The following MBNL2 variants were observed in gnomAD, a reference collection of about 807,000 sequenced individuals.
MBNL2 encodes the protein muscleblind-like protein 2.
MBNL2 carries 17 observed loss-of-function variants against 41.9 expected under a neutral mutation model. The observed-to-expected ratio is 0.41, with a 90% CI of 0.28 to 0.61. MBNL2 has a LOEUF of 0.61. MBNL2 is among the 20% of genes least tolerant of loss of function. The pLI, the probability that MBNL2 is intolerant of heterozygous loss-of-function variation, is 0.35. For missense variants in MBNL2, 336 were observed against 505.6 expected, an observed-to-expected ratio of 0.66 and a Z score of 3.22; for synonymous variants, 195 against 182.9, an observed-to-expected ratio of 1.07 and a Z score of -0.53.
intron 6 of MBNL2, 46 bp downstream of exon 6, chr13:97,356,895 A>G: frequency 8.2e-7 from 1 of 1,225,750 alleles, no homozygotes; most frequent in Non-Finnish European, 1.1e-6. Context: ...CTTTTCAGAG[A>G]ACCATCTGAG....
chr13:97,389,154 T>C (rs1339209485), intron 8 of MBNL2, among the ~76,000 whole-genome samples: 1 of 152,188 alleles, frequency 6.6e-6, no homozygotes, highest in Non-Finnish European at 1.5e-5. Flanking sequence ...GTTTATGCTT[T>C]AGTTAGCTCC....
intron 2 of MBNL2, among the ~76,000 whole-genome samples, chr13:97,292,991 C>A (rs995041275): frequency 2.4e-4 from 36 of 151,768 alleles, no homozygotes; most frequent in Non-Finnish European, 4.6e-4. Context: ...TTTGAAGAAC[C>A]TGTTCTTGAT....
In MBNL2 at chr13:97,366,072, T is replaced by C. The variant is rs1335851298; in HGVS notation, c.1048+901T>C. Among the ~76,000 whole-genome samples, 2 of 152,198 alleles carry C rather than the reference T, an allele frequency of 1.3e-5. No individual in the cohort carries two copies. Among genetic ancestry groups the C allele is most frequent in the African/African-American group, 2.4e-5 (1 of 41,448 alleles). ...TCTCAGAGTTTATGATTAAAAGTGATGATCACATATTCTTACTTCACTGGA... is the reference window on the plus strand; with the variant it reads ...TCTCAGAGTTTATGATTAAAAGTGACGATCACATATTCTTACTTCACTGGA... On this transcript the variant is annotated intron_variant, in intron 8 of 8. Coordinates refer to ENST00000679496, the MANE Select transcript of MBNL2 (RefSeq NM_001382683.1). The surrounding 1 kb of genome is among the most constrained non-coding windows in gnomAD (Gnocchi z 4.7).
chr13:97,211,015 G>A, the MBNL2 span, among the ~76,000 whole-genome samples: 9 of 151,980 alleles, frequency 5.9e-5, no homozygotes, highest in African/African-American at 2.2e-4. Flanking sequence ...GTTGGGTGGG[G>A]TGAGGGAAGG....
intron 2 of MBNL2, among the ~76,000 whole-genome samples, chr13:97,322,146 C>A (rs771125726): frequency 6.6e-6 from 1 of 152,096 alleles, no homozygotes; most frequent in African/African-American, 2.4e-5. Context: ...GGAGGCACAC[C>A]GCTTCCACCC....
At chr13:97,238,119 C>T (rs1430491294) in intron 1 of MBNL2, among the ~76,000 whole-genome samples, 1 of 152,136 alleles carries the variant, frequency 6.6e-6, no homozygotes, top group Non-Finnish European at 1.5e-5. Flanking sequence ...AGTTTGAAGT[C>T]GGAATGTCCT....
intron 1 of MBNL2, among the ~76,000 whole-genome samples, chr13:97,256,541 C>G (rs1310233457): frequency 6.6e-6 from 1 of 152,108 alleles, no homozygotes; most frequent in Non-Finnish European, 1.5e-5. Context: ...GGAATATCTC[C>G]GCCAAATGCT....
chr13:97,292,914 T>A (rs1255632901), intron 2 of MBNL2, among the ~76,000 whole-genome samples: 3 of 152,164 alleles, frequency 2.0e-5, no homozygotes, highest in African/African-American at 4.8e-5. Flanking sequence ...ACTACATAGA[T>A]AATTTATAAA....
intron 2 of MBNL2, among the ~76,000 whole-genome samples, chr13:97,286,853 C>A (rs747110381): frequency 1.3e-5 from 2 of 152,190 alleles, no homozygotes; most frequent in East Asian, 1.9e-4. Flanking sequence ...ATTATCTTTA[C>A]GTGACGCTGT....
In MBNL2 at chr13:97,334,148, C is replaced by CACACACACACACACA. The variant is rs2060676428; in HGVS notation, c.175-128_175-127insACACACACACACACA. On this transcript the variant is annotated intron_variant, in intron 2 of 8. Coordinates refer to ENST00000679496, the MANE Select transcript of MBNL2 (RefSeq NM_001382683.1). The surrounding 1 kb of genome is among the most constrained non-coding windows in gnomAD (Gnocchi z 5.3). The stretch of plus-strand genomic sequence containing the variant: ...AACACATGAGCATGCGCGCGCACAC[C>CACACACACACACACA]CACACACACACACACACACACACAC... The CACACACACACACACA allele has an allele frequency of 3.7e-6, 2 of 547,336 alleles. No homozygotes were observed. Among genetic ancestry groups the CACACACACACACACA allele is most frequent in the African/African-American group, 4.0e-5 (2 of 49,562 alleles). 33.9% of individuals were successfully genotyped at this position (547,336 alleles called of 1,614,324 possible). A position where few individuals can be genotyped will look rare whatever the true frequency, so the allele number is the denominator to read the frequency against.
Position 97,391,493 on chromosome 13 carries a change from T to C in MBNL2, c.*44T>C. On this transcript the variant is annotated 3_prime_UTR_variant, in exon 9 of 9. Coordinates refer to ENST00000679496, the MANE Select transcript of MBNL2 (RefSeq NM_001382683.1). Reference sequence around the variant, plus strand: ...TGGACAGACCACAACTCTAAGAAGCTAGTGCTGCTATCTCATATATGAGTA... The same window carrying C: ...TGGACAGACCACAACTCTAAGAAGCCAGTGCTGCTATCTCATATATGAGTA... 1 of 834,142 alleles carries C rather than the reference T, an allele frequency of 1.2e-6. No homozygotes were observed. Among genetic ancestry groups the C allele is most frequent in the Non-Finnish European group, 2.1e-6 (1 of 473,972 alleles). 51.7% of individuals were successfully genotyped at this position (834,142 alleles called of 1,614,324 possible).
At chr13:97,164,041 C>G in the MBNL2 span, among the ~76,000 whole-genome samples, 1 of 152,306 alleles carries the variant, frequency 6.6e-6, no homozygotes, top group Admixed American at 6.5e-5. Context: ...GGGTCTCGCT[C>G]TGTCACCCAG....
At chr13:97,381,115 GACAC>G (rs58610386) in intron 8 of MBNL2, among the ~76,000 whole-genome samples, 40 of 146,718 alleles carry the variant, frequency 2.7e-4, no homozygotes, top group Admixed American at 3.4e-4. Context: ...CCCTCTCTCT[GACAC>G]ACACACACAC....
chr13:97,351,587 C>T (rs980683484), intron 5 of MBNL2, among the ~76,000 whole-genome samples: 2 of 152,240 alleles, frequency 1.3e-5, no homozygotes, highest in Non-Finnish European at 2.9e-5. Context: ...GCCCTTGCTG[C>T]TCACCATGCT....
At chr13:97,194,940 C>T in the MBNL2 span, among the ~76,000 whole-genome samples, 2 of 152,282 alleles carry the variant, frequency 1.3e-5, no homozygotes, top group African/African-American at 4.8e-5. Flanking sequence ...CCTTGTTTAG[C>T]ATATCATCAA....
At position 97,346,691 on chromosome 13, in the gene MBNL2, A is replaced by C; in HGVS notation, c.541-113A>C. ...ATCAATCTTTTCTTGTCAGTGGTACATGAGCCACCATTGAAAGCGAGGCAG... is the reference window on the plus strand; with the variant it reads ...ATCAATCTTTTCTTGTCAGTGGTACCTGAGCCACCATTGAAAGCGAGGCAG... On this transcript the variant is annotated intron_variant, in intron 4 of 8. Coordinates refer to ENST00000679496, the MANE Select transcript of MBNL2 (RefSeq NM_001382683.1). This position sits in a 1 kb window ranked among gnomAD's most constrained non-coding sequence, Gnocchi z 4.2. 1.3e-6 allele frequency: 1 copy of C among 743,794 alleles called. No homozygotes were observed. The highest frequency in any genetic ancestry group is 2.2e-6 in the Non-Finnish European group (1 of 452,116). The allele number at this position is 743,794 out of a possible 1,614,324, so 46.1% of individuals were successfully genotyped here.
At chr13:97,349,329 C>G (rs1010951935) in intron 5 of MBNL2, among the ~76,000 whole-genome samples, 1 of 152,146 alleles carries the variant, frequency 6.6e-6, no homozygotes, top group Non-Finnish European at 1.5e-5. Flanking sequence ...AAAAGGAATT[C>G]TTTCAGAGCA....
At chr13:97,349,701 A>G (rs1390202990) in intron 5 of MBNL2, among the ~76,000 whole-genome samples, 1 of 152,014 alleles carries the variant, frequency 6.6e-6, no homozygotes, top group African/African-American at 2.4e-5. Context: ...CTAATTTTAT[A>G]TTTTTAGTAG....
In MBNL2 at chr13:97,347,034, C is replaced by A; in HGVS notation, c.771C>A (p.Ala257=). The A allele has an allele frequency of 1.9e-6, 3 of 1,610,876 alleles. No individual in the cohort carries two copies. The highest frequency in any genetic ancestry group is 2.5e-6 in the Non-Finnish European group (3 of 1,178,572). Residue 257 remains alanine, a synonymous_variant, in exon 5 of 9, where the codon GCC becomes GCA. Transcript: ENST00000679496. ...ACCAAGCCAACCAAGCTGCGGTGGCCGCCCAGGCAGCCGCGGCCGCGGCCA... is the reference window on the plus strand; with the variant it reads ...ACCAAGCCAACCAAGCTGCGGTGGCAGCCCAGGCAGCCGCGGCCGCGGCCA... ...AQHQANQAAV[A]AQAAAAAATV... is the part of the protein sequence containing the mutation.
Sources: allele counts gnomAD v4.1 joint callset (sites outside exome capture counted in the v4.1 genomes callset), GRCh38; gene constraint gnomAD v4.1.1; non-coding constraint Gnocchi (gnomAD v3.1); transcripts MANE v1.5; gene names NCBI Gene and HGNC (gene_info 2026-07-23, HGNC 2026-07-21).